MACROH2A1: variants seen among roughly 807,000 people sequenced by gnomAD.
MACROH2A1 encodes macroH2A.1 histone.
In MACROH2A1, 2 loss-of-function variants were observed where a neutral mutation model predicts 31.6. The ratio of observed to expected loss-of-function variants is 0.06; its 90% CI spans 0.03 to 0.20. The LOEUF (loss-of-function observed/expected upper bound fraction) is 0.20. MACROH2A1 is among the 10% of genes least tolerant of loss of function. The pLI, the probability that MACROH2A1 is intolerant of heterozygous loss-of-function variation, is 1.00. For missense variants in MACROH2A1, 230 were observed against 474.0 expected (o/e 0.49, Z 4.78); for synonymous variants, 169 against 189.6 (o/e 0.89, Z 0.89).
chr5:135,375,655 A>G (rs1186604471), intron 2 of MACROH2A1, among the ~76,000 whole-genome samples: 1 of 152,192 alleles, frequency 6.6e-6, no homozygotes, highest in African/African-American at 2.4e-5. Context: ...GCTTTAACGG[A>G]GCTGTCTGAA....
At chr5:135,338,285 A>G (rs559428024) in intron 8 of MACROH2A1, among the ~76,000 whole-genome samples, 41 of 152,174 alleles carry the variant, frequency 2.7e-4, no homozygotes, top group Non-Finnish European at 5.4e-4. Context: ...CCGGAGTCAC[A>G]CAGGATTTGA....
chr5:135,354,881 AGTGT>A, intron 5 of MACROH2A1: 1 of 362,850 alleles, frequency 2.8e-6, no homozygotes, highest in South Asian at 2.1e-5. Flanking sequence ...CACCCCACAC[AGTGT>A]GAAGAGGCAG....
At position 135,391,378 on chromosome 5, in the gene MACROH2A1, C is replaced by T. The variant is rs187194191; in HGVS notation, c.-33-2252G>A. 3.3e-5 allele frequency among the ~76,000 whole-genome samples: 5 copies of T among 152,314 alleles called. No individual in the cohort carries two copies. In the East Asian group the frequency reaches 9.7e-4, roughly 29 times the overall value. ...CACAGACTTCAGCTTTGTTTCCCAG[C>T]TGACCTGCTGGGCATGTCTGGGGCT... On this transcript the variant is annotated intron_variant, in intron 1 of 8. Coordinates refer to ENST00000511689, the MANE Select transcript of MACROH2A1 (RefSeq NM_138610.3).
rs867855335 is a variant in MACROH2A1 at position 135,341,085 on chromosome 5, C to A, written c.953+2175G>T. Reference sequence around the variant, plus strand: ...CATATGAAAGGTTGTGAAATTATTACCTCCAATAAAGTTTCCTATTGCCTC... The same window carrying A: ...CATATGAAAGGTTGTGAAATTATTAACTCCAATAAAGTTTCCTATTGCCTC... On this transcript the variant is annotated intron_variant, in intron 8 of 8. Transcript: ENST00000511689. Among the ~76,000 whole-genome samples the A allele has an allele frequency of 7.9e-5, 12 of 152,318 alleles. No homozygotes were observed. In the South Asian group the frequency reaches 1.2e-3, roughly 16 times the overall value.
chr5:135,384,871 TAAG>T lies in MACROH2A1; in HGVS notation c.172+4048_172+4050del, dbSNP rs149131050. Among the ~76,000 whole-genome samples, 670 of 152,274 alleles carry T rather than the reference TAAG, an allele frequency of 4.4e-3. 6 individuals are homozygous for T. Among genetic ancestry groups the T allele is most frequent in the African/African-American group, 0.016 (648 of 41,562 alleles). On this transcript the variant is annotated intron_variant, in intron 2 of 8. Transcript: ENST00000511689. ...GTGAGTGACTTGCCTAAGCCACAAGTAAGAAGTGGCAACTCTGGCACCAATGCC... is the reference window on the plus strand; with the variant it reads ...GTGAGTGACTTGCCTAAGCCACAAGTAAGTGGCAACTCTGGCACCAATGCC...
intron 1 of MACROH2A1, among the ~76,000 whole-genome samples, chr5:135,389,575 C>A (rs1334489201): frequency 6.6e-6 from 1 of 152,160 alleles, no homozygotes; most frequent in African/African-American, 2.4e-5. Flanking sequence ...ATTTTAGATT[C>A]TTTATCTGTG....
intron 2 of MACROH2A1, among the ~76,000 whole-genome samples, chr5:135,380,173 A>G (rs1011002897): frequency 6.6e-6 from 1 of 152,168 alleles, no homozygotes; most frequent in Non-Finnish European, 1.5e-5. Flanking sequence ...CTTCAATAAA[A>G]AACTATTTAC....
intron 8 of MACROH2A1, among the ~76,000 whole-genome samples, chr5:135,340,457 C>T (rs1337352905): frequency 6.6e-6 from 1 of 152,152 alleles, no homozygotes; most frequent in African/African-American, 2.4e-5. Context: ...CTATGTACTA[C>T]CCCTCTGGAG....
At chr5:135,399,804 C>G (rs1768586799), upstream of MACROH2A1, 1 of 152,320 alleles carries the variant, frequency 6.6e-6, no homozygotes, top group Admixed American at 6.5e-5. The surrounding 1 kb of genome is among the most constrained non-coding windows in gnomAD (Gnocchi z 4.5). Flanking sequence ...CTGGAACCTG[C>G]CTTGCACATG....
chr5:135,394,922 C>A (rs576970774), intron 1 of MACROH2A1, among the ~76,000 whole-genome samples: 2 of 152,192 alleles, frequency 1.3e-5, no homozygotes, highest in African/African-American at 4.8e-5. Flanking sequence ...CCAAAGCCCA[C>A]AGGACTGGGA....
chr5:135,347,746 G>A (rs1044103408), intron 6 of MACROH2A1: 12 of 152,234 alleles, frequency 7.9e-5, no homozygotes, highest in African/African-American at 2.9e-4. Context: ...AAGGAATCTG[G>A]AGCCGGAACC....
intron 1 of MACROH2A1, among the ~76,000 whole-genome samples, chr5:135,389,874 C>A (rs1766964405): frequency 6.6e-6 from 1 of 152,192 alleles, no homozygotes; most frequent in Non-Finnish European, 1.5e-5. Flanking sequence ...CCTACCAGAG[C>A]CCCCTCTCCT....
At chr5:135,364,579 C>T (rs954851605) in intron 4 of MACROH2A1, among the ~76,000 whole-genome samples, 1 of 152,158 alleles carries the variant, frequency 6.6e-6, no homozygotes, top group Non-Finnish European at 1.5e-5. Flanking sequence ...CCATAAATTT[C>T]CATGTATTGG....
Position 135,395,776 on chromosome 5 carries a change from G to GA in MACROH2A1, c.-34+3285dup, listed in dbSNP as rs3836762. Among the ~76,000 whole-genome samples the GA allele has an allele frequency of 1.5e-3, 223 of 152,200 alleles. 4 individuals are homozygous for GA. In the East Asian group the frequency reaches 0.038, roughly 26 times the overall value. ...CTGTTCTAGTATTCTAGCCAATCAGGAAAAATATCTCTCTCCATTCATAAA... is the reference window on the plus strand; with the variant it reads ...CTGTTCTAGTATTCTAGCCAATCAGGAAAAAATATCTCTCTCCATTCATAAA... On this transcript the variant is annotated intron_variant, in intron 1 of 8. Coordinates refer to ENST00000511689, the MANE Select transcript of MACROH2A1 (RefSeq NM_138610.3).
intron 4 of MACROH2A1, chr5:135,361,726 C>A (rs1373694767): frequency 6.6e-6 from 1 of 152,162 alleles, no homozygotes; most frequent in Non-Finnish European, 1.5e-5. Flanking sequence ...CTGGGCAAGG[C>A]CTGTGTCCTA....
At chr5:135,354,804 T>C (rs1761977309) in intron 5 of MACROH2A1, 3 of 340,692 alleles carry the variant, frequency 8.8e-6, no homozygotes, top group South Asian at 7.0e-5. Flanking sequence ...TGCATTTGGC[T>C]CCAAGCAAAT....
chr5:135,365,437 T>C (rs1581239984), intron 4 of MACROH2A1, among the ~76,000 whole-genome samples: 4 of 152,282 alleles, frequency 2.6e-5, no homozygotes, highest in Middle Eastern at 6.8e-3. Context: ...TCACTGCCTA[T>C]GTAAAATAAT....
chr5:135,376,893 C>T (rs1414938099), intron 2 of MACROH2A1, among the ~76,000 whole-genome samples: 1 of 152,216 alleles, frequency 6.6e-6, no homozygotes, highest in Admixed American at 6.5e-5. Flanking sequence ...TCGATTTCCT[C>T]TATCTATAAC....
intron 2 of MACROH2A1, among the ~76,000 whole-genome samples, chr5:135,386,800 C>T (rs1041772903): frequency 6.6e-6 from 1 of 152,202 alleles, no homozygotes; most frequent in African/African-American, 2.4e-5. Context: ...ATGGTATTCC[C>T]CATTCATGCC....
Sources: gnomAD v4.1 joint callset for allele counts (sites outside exome capture counted in the v4.1 genomes callset) on GRCh38, gnomAD v4.1.1 for gene constraint, Gnocchi (gnomAD v3.1) non-coding constraint, MANE v1.5 for transcripts, NCBI Gene and HGNC (gene_info 2026-07-23, HGNC 2026-07-21) for gene names.